Variants in DOCK1 observed in about 807,000 individuals in gnomAD.
DOCK1 encodes dedicator of cytokinesis 1, also known as dedicator of cytokinesis protein 1.
Under a neutral mutation model 262.7 loss-of-function variants are expected in DOCK1, and 138 were observed. The observed-to-expected ratio is 0.53, with a 90% confidence interval of 0.46 to 0.61. The LOEUF is 0.61. Among genes scored for constraint, DOCK1 ranks in the 20% least tolerant of loss-of-function variants. The pLI, the probability that DOCK1 is intolerant of heterozygous loss-of-function variation, is 0.00. For missense variants in DOCK1, 1,908 were observed against 2,370.7 expected (o/e 0.80, Z 4.05); for synonymous variants, 866 against 867.4 (o/e 1.00, Z 0.03).
At chr10:126,997,012 G>A in intron 7 of DOCK1, 129 bp downstream of exon 7, 1 of 1,082,176 alleles carries the variant, frequency 9.2e-7, no homozygotes, top group East Asian at 2.7e-5. Context: ...CAGAGTTTGT[G>A]TCCTACAGTC....
At chr10:127,374,883 A>G (rs966343917) in intron 35 of DOCK1, among the ~76,000 whole-genome samples, 2 of 152,204 alleles carry the variant, frequency 1.3e-5, no homozygotes, top group African/African-American at 2.4e-5. Context: ...TTCTAGGGGA[A>G]CGTTGTCCTA....
chr10:127,292,441 C>T (rs1311980892), intron 29 of DOCK1, among the ~76,000 whole-genome samples: 1 of 152,104 alleles, frequency 6.6e-6, no homozygotes, highest in African/African-American at 2.4e-5. Context: ...TGAAACAGTA[C>T]ACGGAGGCCT....
chr10:127,320,505 G>A (rs912136999), intron 29 of DOCK1, among the ~76,000 whole-genome samples: 12 of 152,282 alleles, frequency 7.9e-5, no homozygotes, highest in East Asian at 5.8e-4. Flanking sequence ...TGGAGAGCCC[G>A]GAAAGAGGTC....
intron 29 of DOCK1, among the ~76,000 whole-genome samples, chr10:127,335,692 T>C (rs1347424899): frequency 4.8e-5 from 7 of 146,888 alleles, no homozygotes; most frequent in African/African-American, 1.3e-4. Context: ...GGATTACAGG[T>C]GCACACCACC....
rs1395533003 is a variant in DOCK1 at position 126,932,117 on chromosome 10, C to T, written c.46+26554C>T. On this transcript the variant is annotated intron_variant, in intron 1 of 51. Coordinates refer to ENST00000623213, the MANE Select transcript of DOCK1 (RefSeq NM_001290223.2). Reference sequence around the variant, plus strand: ...GATAGTCAAAGCTGAACTCCAGAATCAGTATTCAGAGTGCTTGATTATCTG... The same window carrying T: ...GATAGTCAAAGCTGAACTCCAGAATTAGTATTCAGAGTGCTTGATTATCTG... Among the ~76,000 whole-genome samples, 6 of 152,272 alleles carry T rather than the reference C, an allele frequency of 3.9e-5. No homozygotes were observed. In the East Asian group the frequency reaches 1.2e-3, roughly 29 times the overall value.
chr10:127,043,943 T>G (rs1031038777), intron 21 of DOCK1, among the ~76,000 whole-genome samples: 1 of 152,208 alleles, frequency 6.6e-6, no homozygotes, highest in African/African-American at 2.4e-5. Flanking sequence ...GACTAATCCC[T>G]GGCACTTAGA....
chr10:127,110,367 C>G lies in DOCK1; in HGVS notation c.2623+13C>G, dbSNP rs892150232. 1.2e-6 allele frequency: 2 copies of G among 1,600,118 alleles called. No individual in the cohort carries two copies. Among genetic ancestry groups the G allele is most frequent in the African/African-American group, 2.7e-5 (2 of 74,710 alleles). On this transcript the variant is annotated intron_variant, in intron 25 of 51. Transcript: ENST00000623213. ...TTCACACAGCATGGTGAGTGGAACC[C>G]CAAGAATTATTCACTTGTCCTGTTA... is the stretch of plus-strand genomic sequence containing the variant.
At position 127,384,718 on chromosome 10, in the gene DOCK1, C is replaced by T. The variant is rs888855435; in HGVS notation, c.3808-72C>T. The T allele has an allele frequency of 4.1e-6, 6 of 1,452,228 alleles. No individual in the cohort carries two copies. The African/African-American group carries it at 4.3e-5, about 10-fold the overall frequency. 90.0% of individuals were successfully genotyped at this position (1,452,228 alleles called of 1,614,324 possible). A position where few individuals can be genotyped will look rare whatever the true frequency, so the allele number is the denominator to read the frequency against. On this transcript the variant is annotated intron_variant, in intron 37 of 51. Transcript: ENST00000623213. The stretch of plus-strand genomic sequence containing the variant: ...CCGCGGCCCACACGCGTGTCCGATG[C>T]GAAGCTCACACCATTCTGACGTCCC...
Position 127,174,354 on chromosome 10 carries a change from C to T in DOCK1, c.2847+46590C>T, listed in dbSNP as rs571187678. ...CAGGCGAAGTCCGATAACCCCCAGA[C>T]CCAGAGTAGAACAGGCTGCTTTGTA... On this transcript the variant is annotated intron_variant, in intron 27 of 51. Transcript: ENST00000623213. Among the ~76,000 whole-genome samples the T allele has an allele frequency of 1.8e-4, 27 of 152,278 alleles. No individual in the cohort carries two copies. In the East Asian group the frequency reaches 5.2e-3, roughly 29 times the overall value.
intron 27 of DOCK1, among the ~76,000 whole-genome samples, chr10:127,144,205 G>A (rs149897725): frequency 2.3e-3 from 353 of 152,236 alleles, no homozygotes; most frequent in Non-Finnish European, 3.7e-3. Context: ...TAGGAAAACT[G>A]GCAAACTCCT....
intron 27 of DOCK1, among the ~76,000 whole-genome samples, chr10:127,235,853 G>A (rs1373770304): frequency 6.6e-6 from 1 of 151,736 alleles, no homozygotes; most frequent in South Asian, 2.1e-4. Flanking sequence ...GTTTTAACTT[G>A]CGTGTTCCTA....
At chr10:127,242,455 C>T (rs2059296636) in intron 27 of DOCK1, among the ~76,000 whole-genome samples, 1 of 152,154 alleles carries the variant, frequency 6.6e-6, no homozygotes, top group African/African-American at 2.4e-5. Flanking sequence ...TGTTGGCCTT[C>T]TATCTTATCA....
chr10:126,934,125 T>C (rs905312872), intron 1 of DOCK1, among the ~76,000 whole-genome samples: 2 of 152,140 alleles, frequency 1.3e-5, no homozygotes, highest in African/African-American at 4.8e-5. Flanking sequence ...CCTATTTTAC[T>C]CTTAAAACTC....
At chr10:127,298,153 T>A (rs1374041288) in intron 29 of DOCK1, among the ~76,000 whole-genome samples, 2 of 152,220 alleles carry the variant, frequency 1.3e-5, no homozygotes, top group Admixed American at 6.5e-5. Flanking sequence ...TTAGTATTTG[T>A]TCATGCATAC....
At chr10:127,124,028 G>A (rs190257239) in intron 25 of DOCK1, among the ~76,000 whole-genome samples, 91 of 152,206 alleles carry the variant, frequency 6.0e-4, no homozygotes, top group Non-Finnish European at 1.2e-3. Flanking sequence ...TGGAATTGGG[G>A]AAGGCCTTGG....
intron 23 of DOCK1, among the ~76,000 whole-genome samples, chr10:127,062,514 A>G (rs1476346478): frequency 6.6e-6 from 1 of 152,188 alleles, no homozygotes; most frequent in African/African-American, 2.4e-5. Flanking sequence ...GTAGCTTTGT[A>G]TCAAAGTGGA....
chr10:127,018,974 C>T, intron 13 of DOCK1, 139 bp downstream of exon 13: 2 of 1,295,588 alleles, frequency 1.5e-6, no homozygotes, highest in South Asian at 3.0e-5. Context: ...TAAGCCCCAG[C>T]ATGGTTATGG....
At chr10:126,962,454 C>T (rs966349381) in intron 1 of DOCK1, among the ~76,000 whole-genome samples, 41 of 149,350 alleles carry the variant, frequency 2.7e-4, no homozygotes, top group Non-Finnish European at 5.2e-4. Context: ...CCACTGCACC[C>T]GGCCAGTTTT....
intron 27 of DOCK1, among the ~76,000 whole-genome samples, chr10:127,235,386 T>C (rs1260276950): frequency 1.3e-5 from 2 of 152,154 alleles, no homozygotes; most frequent in African/African-American, 4.8e-5. Flanking sequence ...ATTCATACAG[T>C]GTCTAGCCTT....
Sources: allele counts gnomAD v4.1 joint callset (sites outside exome capture counted in the v4.1 genomes callset), GRCh38; gene constraint gnomAD v4.1.1; transcripts MANE v1.5; gene names NCBI Gene and HGNC (gene_info 2026-07-23, HGNC 2026-07-21).